Variants in HEATR5B observed in about 807,000 individuals in gnomAD.
HEATR5B encodes the protein HEAT repeat-containing protein 5B.
A neutral mutation model predicts 224.1 loss-of-function variants in HEATR5B; 156 were observed. That is an observed-to-expected ratio of 0.70 (90% CI 0.61 to 0.80). The LOEUF is 0.80. HEATR5B is among the 30% of genes least tolerant of loss of function. The pLI, the probability that HEATR5B is intolerant of heterozygous loss-of-function variation, is 0.00. For synonymous variants in HEATR5B, 1,027 were observed against 893.0 expected (o/e 1.15, Z -2.68); for missense variants, 2,323 against 2,535.5 (o/e 0.92, Z 1.80).
At chr2:37,058,113 C>T (rs2148549876) in intron 14 of HEATR5B, among the ~76,000 whole-genome samples, 1 of 152,176 alleles carries the variant, frequency 6.6e-6, no homozygotes, top group East Asian at 1.9e-4. Context: ...GAAGATAAAC[C>T]AGCTAGATTT....
intron 33 of HEATR5B, among the ~76,000 whole-genome samples, chr2:36,997,322 C>T (rs892619761): frequency 1.3e-5 from 2 of 151,734 alleles, no homozygotes; most frequent in Admixed American, 6.6e-5. Flanking sequence ...ATAGCTGGGA[C>T]CACATGTGTG....
At position 37,058,506 on chromosome 2, in the gene HEATR5B, C is replaced by G. The variant is rs756484661; in HGVS notation, c.2004G>C (p.Met668Ile). 3 of 1,613,410 alleles carry G rather than the reference C, an allele frequency of 1.9e-6. No individual in the cohort carries two copies. Among genetic ancestry groups the G allele is most frequent in the East Asian group, 2.2e-5 (1 of 44,852 alleles). The change falls in exon 14 of 36, where the codon ATG (methionine) becomes ATC (isoleucine). Residue 668 changes from methionine (M) to isoleucine (I), a missense_variant. By Grantham distance (10) the Met-to-Ile change is conservative (BLOSUM62 1). Transcript: ENST00000233099. ...AGATATCATAAAGTCTTAAACGGAC[C>G]ATTGCAGCACTAGCTTTCAGATGAG... ...HGAHLKASAA[M>I]VRLRLYDILA...
chr2:37,048,547 A>G (rs1447800040), intron 18 of HEATR5B, among the ~76,000 whole-genome samples: 2 of 152,166 alleles, frequency 1.3e-5, no homozygotes, highest in Non-Finnish European at 2.9e-5. Flanking sequence ...AGAGCTTTCT[A>G]AAGAAACATA....
intron 13 of HEATR5B, 31 bp downstream of exon 13, chr2:37,058,857 G>T: frequency 8.0e-7 from 1 of 1,250,184 alleles, no homozygotes; most frequent in Non-Finnish European, 1.2e-6. Context: ...ATATAAAATA[G>T]GATGTGAACT....
intron 22 of HEATR5B, among the ~76,000 whole-genome samples, chr2:37,031,430 CTTTCTT>C (rs1558755787): frequency 7.5e-6 from 1 of 133,170 alleles, no homozygotes; most frequent in African/African-American, 2.6e-5. Context: ...TTTTTCTTTT[CTTTCTT>C]TTTTTTTTTT....
In HEATR5B at chr2:37,025,310, A is replaced by G. The variant is rs907605980; in HGVS notation, c.3853+2613T>C. ...ACATGGGCAATCCACCTCCACACTG[A>G]GAGAAAATTCCAAATACGGAGAGTA... On this transcript the variant is annotated intron_variant, in intron 24 of 35. Coordinates refer to ENST00000233099, the MANE Select transcript of HEATR5B (RefSeq NM_019024.3). Among the ~76,000 whole-genome samples the G allele has an allele frequency of 2.6e-5, 4 of 152,200 alleles. No homozygotes were observed. The South Asian group carries it at 8.3e-4, about 32-fold the overall frequency.
chr2:37,031,325 C>T (rs1190337561), intron 22 of HEATR5B, among the ~76,000 whole-genome samples: 1 of 151,856 alleles, frequency 6.6e-6, no homozygotes, highest in Non-Finnish European at 1.5e-5. Context: ...GCTTTAAACA[C>T]TTTTATATTT....
chr2:37,032,128 A>C (rs1451233945), intron 22 of HEATR5B, among the ~76,000 whole-genome samples: 5 of 152,242 alleles, frequency 3.3e-5, no homozygotes, highest in Non-Finnish European at 7.3e-5. Flanking sequence ...CCAGAACTGG[A>C]AACCTTCAAG....
chr2:37,051,590 C>G (rs925882199), intron 17 of HEATR5B, among the ~76,000 whole-genome samples: 1 of 152,110 alleles, frequency 6.6e-6, no homozygotes, highest in African/African-American at 2.4e-5. Flanking sequence ...AGCAATATTA[C>G]AGTTGGTTCA....
chr2:37,012,678 C>A lies in HEATR5B; in HGVS notation c.4284+1163G>T, dbSNP rs539045973. Among the ~76,000 whole-genome samples, 30 of 152,306 alleles carry A rather than the reference C, an allele frequency of 2.0e-4. No individual in the cohort carries two copies. In the South Asian group the frequency reaches 6.2e-3, roughly 32 times the overall value. Reference sequence around the variant, plus strand: ...GTGCTGGGATTACAGGTGTGAGCCACCACGCCTGGCCTAGGGCGCAGTTTT... The same window carrying A: ...GTGCTGGGATTACAGGTGTGAGCCAACACGCCTGGCCTAGGGCGCAGTTTT... On this transcript the variant is annotated intron_variant, in intron 27 of 35. Coordinates refer to ENST00000233099, the MANE Select transcript of HEATR5B (RefSeq NM_019024.3).
At chr2:36,991,877 G>T (rs1666354877) in intron 33 of HEATR5B, among the ~76,000 whole-genome samples, 1 of 152,118 alleles carries the variant, frequency 6.6e-6, no homozygotes, top group East Asian at 1.9e-4. Flanking sequence ...GGAATAAAGG[G>T]TTAAGAACAA....
rs1402569693 is a variant in HEATR5B, at chr2:37,000,948, T to C, written c.5318-135A>G. The C allele has an allele frequency of 1.5e-5, 9 of 605,150 alleles. No homozygotes were observed. In the African/African-American group the frequency reaches 1.7e-4, roughly 11 times the overall value. 37.5% of individuals were successfully genotyped at this position (605,150 alleles called of 1,614,324 possible). On this transcript the variant is annotated intron_variant, in intron 32 of 35. Coordinates refer to ENST00000233099, the MANE Select transcript of HEATR5B (RefSeq NM_019024.3). ...CCTTGTCTTTATACAAAATTTACTG[T>C]ATTACTACTACTATAATTCAATGTT...
intron 16 of HEATR5B, 72 bp downstream of exon 16, chr2:37,056,368 G>T: frequency 3.8e-6 from 4 of 1,039,272 alleles, no homozygotes; most frequent in Non-Finnish European, 5.4e-6. Flanking sequence ...AGTTAACTGG[G>T]ATGAGAAAAT....
At chr2:36,991,504 A>C (rs1666329817) in intron 33 of HEATR5B, among the ~76,000 whole-genome samples, 1 of 152,112 alleles carries the variant, frequency 6.6e-6, no homozygotes, top group Non-Finnish European at 1.5e-5. Context: ...TCAAAAAAAA[A>C]AAAAAAAAAA....
chr2:37,037,785 A>G lies in HEATR5B; in HGVS notation c.3216+70T>C, dbSNP rs915605670. On this transcript the variant is annotated intron_variant, in intron 21 of 35. Coordinates refer to ENST00000233099, the MANE Select transcript of HEATR5B (RefSeq NM_019024.3). ...AAATATATATAGCTAGTATGTATCC[A>G]TAAAAAATTTTTTAAATGTAAAATA... The G allele has an allele frequency of 1.0e-5, 12 of 1,179,198 alleles. No individual in the cohort carries two copies. In the Admixed American group the frequency reaches 2.8e-4, roughly 27 times the overall value. The allele number at this position is 1,179,198 out of a possible 1,614,324, so 73.0% of individuals were successfully genotyped here.
rs766847676 is a variant in HEATR5B at position 36,990,762 on chromosome 2, T to C, written c.5583A>G (p.Leu1861=). Residue 1861 remains leucine (L), a synonymous_variant, in exon 34 of 36, where the codon CTA becomes CTG. Transcript: ENST00000233099. ...SVPTPDEVSM[L]TAIALFLWSA... is the part of the protein sequence containing the mutation. The stretch of plus-strand genomic sequence containing the variant: ...ACCACAGGAAGAGTGCAATTGCTGT[T>C]AGCATGCTTACTTCATCAGGTGTAG... 6.2e-7 allele frequency: 1 copy of C among 1,610,512 alleles called. No individual in the cohort carries two copies. The highest frequency in any genetic ancestry group is 1.3e-5 in the African/African-American group (1 of 74,992).
At position 37,064,610 on chromosome 2, in the gene HEATR5B, A is replaced by G. The variant is rs976201121; in HGVS notation, c.1584+130T>C. ...TAGGGTCTGTTAACACCATAGTAAG[A>G]ACACTATGTTTTATGATAACATAGT... On this transcript the variant is annotated intron_variant, in intron 10 of 35. Transcript: ENST00000233099. 3.6e-6 allele frequency: 3 copies of G among 837,364 alleles called. No homozygotes were observed. The African/African-American group carries it at 5.1e-5, about 14-fold the overall frequency. 51.9% of individuals were successfully genotyped at this position (837,364 alleles called of 1,614,324 possible).
Position 37,075,580 on chromosome 2 carries a change from C to G in HEATR5B, c.502G>C (p.Gly168Arg). 6.2e-7 allele frequency: 1 copy of G among 1,613,832 alleles called. No individual in the cohort carries two copies. The highest frequency in any genetic ancestry group is 8.5e-7 in the Non-Finnish European group (1 of 1,179,760). ...CGATGGGAGGAAGCTGCTGCACCAC[C>G]CAGTCCACTTAGAACTTTCTGTAGA... is the stretch of plus-strand genomic sequence containing the variant. ...MSLQKVLSGL[G>R]GAAASSHRDI... The change falls in exon 5 of 36, where the codon GGT becomes CGT. Residue 168 changes from glycine to arginine, a missense_variant. Coordinates refer to ENST00000233099, the MANE Select transcript of HEATR5B (RefSeq NM_019024.3).
chr2:36,996,943 G>C (rs938508151), intron 33 of HEATR5B, among the ~76,000 whole-genome samples: 3 of 150,064 alleles, frequency 2.0e-5, no homozygotes, highest in African/African-American at 7.4e-5. Flanking sequence ...GGCTGGTCTC[G>C]AACTCCTGAC....
Sources: allele counts gnomAD v4.1 joint callset (sites outside exome capture counted in the v4.1 genomes callset), GRCh38; gene constraint gnomAD v4.1.1; transcripts MANE v1.5; gene names NCBI Gene and HGNC (gene_info 2026-07-23, HGNC 2026-07-21).